ABCA1: variants seen among roughly 807,000 people sequenced by gnomAD.
ABCA1 encodes phospholipid-transporting ATPase ABCA1.
A neutral mutation model predicts 262.5 loss-of-function variants in ABCA1; 133 were observed. The ratio of observed to expected loss-of-function variants is 0.51; its 90% CI spans 0.44 to 0.59. The LOEUF is 0.59. Among genes scored for constraint, ABCA1 ranks in the 20% least tolerant of loss-of-function variants. ABCA1 has a pLI of 0.00. For synonymous variants in ABCA1, 1,022 were observed against 1,043.5 expected (o/e 0.98, Z 0.40); for missense variants, 2,452 against 2,777.5 (o/e 0.88, Z 2.63).
chr9:104,912,849 A>G (rs890073875), intron 1 of ABCA1, among the ~76,000 whole-genome samples: 10 of 152,190 alleles, frequency 6.6e-5, no homozygotes, highest in Non-Finnish European at 1.5e-4. Flanking sequence ...TTCAGTCACA[A>G]TCATAACACC....
In ABCA1 at chr9:104,869,240, GA is replaced by G. The variant is rs4149345; in HGVS notation, c.422-7441del. The stretch of plus-strand genomic sequence containing the variant: ...TTAGAAGTGGGTGGAGGAGGCAAAT[GA>G]AAAAAAAGGAGAAGTAGGGAAAATC... On this transcript the variant is annotated intron_variant, in intron 5 of 49. Coordinates refer to ENST00000374736, the MANE Select transcript of ABCA1 (RefSeq NM_005502.4). Among the ~76,000 whole-genome samples the G allele has an allele frequency of 1.1e-3, 169 of 148,576 alleles. 3 individuals carry two copies. The East Asian group carries it at 0.032, about 28-fold the overall frequency.
intron 2 of ABCA1, among the ~76,000 whole-genome samples, chr9:104,898,622 G>A (rs1840415579): frequency 6.6e-6 from 1 of 151,810 alleles, no homozygotes; most frequent in Admixed American, 6.6e-5. Context: ...TCCTTCCCCA[G>A]GAGAATTGGC....
intron 44 of ABCA1, among the ~76,000 whole-genome samples, chr9:104,788,868 C>T (rs1485979421): frequency 6.6e-6 from 1 of 152,208 alleles, no homozygotes; most frequent in Non-Finnish European, 1.5e-5. Context: ...TCTTTACCAA[C>T]AATCTCAGTC....
intron 6 of ABCA1, among the ~76,000 whole-genome samples, chr9:104,859,817 A>G (rs2472381): frequency 0.38 from 58,395 of 151,902 alleles, 13,068 homozygotes; most frequent in African/African-American, 0.63. Context: ...TTGGGAGGCC[A>G]AGGCAGACGG....
intron 6 of ABCA1, among the ~76,000 whole-genome samples, 170 bp from the exon 7 acceptor site, chr9:104,858,868 G>A (rs1310474482): frequency 6.6e-6 from 1 of 152,192 alleles, no homozygotes. Context: ...AACTCAGAAT[G>A]TATCAAAGCA....
intron 9 of ABCA1, 84 bp downstream of exon 9, chr9:104,840,195 G>A (rs1020670550): frequency 1.9e-6 from 3 of 1,609,296 alleles, no homozygotes; most frequent in Non-Finnish European, 2.5e-6. Flanking sequence ...CGCTGCTACA[G>A]AGGGAGGAGA....
At chr9:104,826,623 G>C (rs1022585243) in intron 16 of ABCA1, among the ~76,000 whole-genome samples, 13 of 152,192 alleles carry the variant, frequency 8.5e-5, no homozygotes, top group African/African-American at 3.1e-4. Context: ...ACAGAGCTGG[G>C]AGATAAAGGG....
intron 5 of ABCA1, among the ~76,000 whole-genome samples, chr9:104,873,520 C>T (rs1191841429): frequency 6.6e-6 from 1 of 152,232 alleles, no homozygotes; most frequent in African/African-American, 2.4e-5. Context: ...TGCCCCATGT[C>T]CTGTGACTTT....
intron 2 of ABCA1, among the ~76,000 whole-genome samples, chr9:104,901,313 G>A (rs1432953599): frequency 6.6e-6 from 1 of 152,154 alleles, no homozygotes; most frequent in South Asian, 2.1e-4. Context: ...GTTGCTGGCT[G>A]GGTGACCTCA....
Position 104,781,886 on chromosome 9 carries a change from T to G in ABCA1, c.*2429A>C, listed in dbSNP as rs1294145313. The G allele has an allele frequency of 1.3e-5, 2 of 152,254 alleles. No homozygotes were observed. The highest frequency in any genetic ancestry group is 2.9e-5 in the Non-Finnish European group (2 of 67,972). 9.4% of individuals were successfully genotyped at this position (152,254 alleles called of 1,614,324 possible). ...GTAAAAATTTCTACCACAATTAGGTTTACACAGGAAAATGTAAAAAATTAC... is the reference window on the plus strand; with the variant it reads ...GTAAAAATTTCTACCACAATTAGGTGTACACAGGAAAATGTAAAAAATTAC... On this transcript the variant is annotated 3_prime_UTR_variant, in exon 50 of 50. Coordinates refer to ENST00000374736, the MANE Select transcript of ABCA1 (RefSeq NM_005502.4).
chr9:104,826,004 G>C (rs1832781525), intron 16 of ABCA1, 117 bp from the exon 17 acceptor site: 5 of 1,012,646 alleles, frequency 4.9e-6, no homozygotes, highest in Non-Finnish European at 6.1e-6. Context: ...CAATCATAAG[G>C]TGCAGAAGTA....
rs559854116 is a variant in ABCA1, at chr9:104,830,505, C to T, written c.1892+420G>A. 7.9e-5 allele frequency among the ~76,000 whole-genome samples: 12 copies of T among 152,132 alleles called. No individual in the cohort carries two copies. The South Asian group carries it at 2.5e-3, about 32-fold the overall frequency. On this transcript the variant is annotated intron_variant, in intron 14 of 49. Coordinates refer to ENST00000374736, the MANE Select transcript of ABCA1 (RefSeq NM_005502.4). ...AGGAGTTGAAGTCTAGCCTGGGTAA[C>T]ATGGTGAAACCTCGTCTCTACTAAA...
intron 1 of ABCA1, among the ~76,000 whole-genome samples, chr9:104,906,783 A>G (rs377079341): frequency 6.6e-6 from 1 of 151,580 alleles, no homozygotes; most frequent in South Asian, 2.1e-4. Context: ...TAAAAGAGAC[A>G]GTACTATGTA....
intron 8 of ABCA1, among the ~76,000 whole-genome samples, chr9:104,844,853 G>A (rs1834722388): frequency 6.6e-6 from 1 of 152,210 alleles, no homozygotes; most frequent in African/African-American, 2.4e-5. Flanking sequence ...GGTGGAGTGT[G>A]CACTGGCTGG....
At chr9:104,925,321 G>A (rs901456841) in intron 1 of ABCA1, among the ~76,000 whole-genome samples, 2 of 116,344 alleles carry the variant, frequency 1.7e-5, no homozygotes, top group Non-Finnish European at 3.7e-5. Flanking sequence ...AGGTTGCAGT[G>A]AGCCATATCG....
At chr9:104,839,170 C>T (rs559280700) in intron 9 of ABCA1, among the ~76,000 whole-genome samples, 17 of 152,296 alleles carry the variant, frequency 1.1e-4, no homozygotes, top group African/African-American at 3.4e-4. Context: ...ATACGGCACA[C>T]GGGCCCACAA....
chr9:104,902,476 T>C (rs1840743115), intron 2 of ABCA1, among the ~76,000 whole-genome samples: 2 of 152,204 alleles, frequency 1.3e-5, no homozygotes, highest in African/African-American at 4.8e-5. Context: ...TATAATTTGG[T>C]TTCAGTTGAA....
chr9:104,832,575 T>C lies in ABCA1; in HGVS notation c.1508A>G (p.Glu503Gly), dbSNP rs770937543. ...QAIRTISRFM[E>G]CVNLNKLEPI... ...AAATGATCCCAGCAACAGATTCACC[T>C]CCATGAAGCGAGATATGGTCCGGAT... Residue 503 changes from glutamate (E) to glycine (G), a missense_variant and splice_region_variant, in exon 12 of 50, where the codon GAG becomes GGG. Glu to Gly is a moderately conservative substitution (Grantham distance 98, BLOSUM62 -2). Around this residue, in one of 4 missense-constraint regions of ABCA1, gnomAD observed 1,032 missense variants for 1,089.7 expected, o/e 0.95. Coordinates refer to ENST00000374736, the MANE Select transcript of ABCA1 (RefSeq NM_005502.4). 6.2e-7 allele frequency: 1 copy of C among 1,614,160 alleles called. No homozygotes were observed. The highest frequency in any genetic ancestry group is 8.5e-7 in the Non-Finnish European group (1 of 1,180,012).
chr9:104,922,567 G>T (rs73664382), intron 1 of ABCA1, among the ~76,000 whole-genome samples: 1 of 152,086 alleles, frequency 6.6e-6, no homozygotes, highest in Non-Finnish European at 1.5e-5. Flanking sequence ...GTTATTACAC[G>T]GAAAACTTAA....
Sources: gnomAD v4.1 joint callset for allele counts (sites outside exome capture counted in the v4.1 genomes callset) on GRCh38, gnomAD v4.1.1 for gene constraint, gnomAD v4.1.1 regional missense constraint, MANE v1.5 for transcripts, NCBI Gene and HGNC (gene_info 2026-07-23, HGNC 2026-07-21) for gene names.